CFD: variants seen among roughly 807,000 people sequenced by gnomAD.
CFD encodes complement factor D, also known as C3 convertase activator.
Under a neutral mutation model 21.1 loss-of-function variants are expected in CFD, and 24 were observed. The ratio of observed to expected loss-of-function variants is 1.14; its 90% confidence interval spans 0.82 to 1.60. CFD has a LOEUF of 1.60. Among genes scored for constraint, CFD ranks in the 40% most tolerant of loss-of-function variants. CFD has a pLI of 0.00. For missense variants in CFD, 535 were observed against 383.3 expected, an observed-to-expected ratio of 1.40 and a Z score of -3.31; for synonymous variants, 242 against 175.9, an observed-to-expected ratio of 1.38 and a Z score of -2.97.
At chr19:862,887 T>TG (rs1555711915) in intron 4 of CFD, among the ~76,000 whole-genome samples, 7 of 80,800 alleles carry the variant, frequency 8.7e-5, no homozygotes, top group Non-Finnish European at 8.2e-5. Flanking sequence ...GGCCAGGAGC[T>TG]GGGGGCGGGC....
In CFD at chr19:860,960, G is replaced by C; in HGVS notation, c.312G>C (p.Pro104=). The part of the protein sequence containing the change: ...LYDVLRAVPH[P]DSQPDTIDHD... ...ACGTGCTCCGCGCAGTGCCCCACCC[G>C]GACAGCCAGCCCGACACCATCGACC... Residue 104 remains proline, a synonymous_variant, in exon 3 of 5, where the codon CCG becomes CCC. Coordinates refer to ENST00000327726, the MANE Select transcript of CFD (RefSeq NM_001928.4). 6.2e-7 allele frequency: 1 copy of C among 1,600,462 alleles called. No homozygotes were observed.
Position 860,930 on chromosome 19 carries a change from G to A in CFD, c.282G>A (p.Leu94=), listed in dbSNP as rs1375843287. 37 of 1,601,024 alleles carry A rather than the reference G, an allele frequency of 2.3e-5. No individual in the cohort carries two copies. The highest frequency in any genetic ancestry group is 3.1e-5 in the Non-Finnish European group (37 of 1,179,042). ...CGCAGCCGGAGCCCTCCAAGCGCCT[G>A]TACGACGTGCTCCGCGCAGTGCCCC... ...SLSQPEPSKR[L]YDVLRAVPHP... The change falls in exon 3 of 5, where the codon CTG becomes CTA. Residue 94 remains leucine (L), a synonymous_variant. Coordinates refer to ENST00000327726, the MANE Select transcript of CFD (RefSeq NM_001928.4).
In CFD at chr19:860,188, T is replaced by TTTTTCTTTC. The variant is rs200917507; in HGVS notation, c.56-424_56-416dup. Reference sequence around the variant, plus strand: ...CCCCAAGACGGAAACGGGATTCTTTTTTTTCTTTCTTTTTTTTTTTGATAG... The same window carrying TTTTTCTTTC: ...CCCCAAGACGGAAACGGGATTCTTTTTTTTCTTTCTTTTCTTTCTTTTTTTTTTTGATAG... On this transcript the variant is annotated intron_variant, in intron 1 of 4. Coordinates refer to ENST00000327726, the MANE Select transcript of CFD (RefSeq NM_001928.4). Among the ~76,000 whole-genome samples the TTTTTCTTTC allele has an allele frequency of 5.8e-3, 885 of 151,612 alleles. 9 individuals carry two copies. Among genetic ancestry groups the TTTTTCTTTC allele is most frequent in the African/African-American group, 0.02 (811 of 41,246 alleles).
Position 861,014 on chromosome 19 carries a change from C to T in CFD, c.357+9C>T, listed in dbSNP as rs537724685. 1.9e-6 allele frequency: 3 copies of T among 1,597,198 alleles called. No individual in the cohort carries two copies. Among genetic ancestry groups the T allele is most frequent in the Middle Eastern group, 1.7e-4 (1 of 6,034 alleles). On this transcript the variant is annotated intron_variant, in intron 3 of 4. Coordinates refer to ENST00000327726, the MANE Select transcript of CFD (RefSeq NM_001928.4). ...ACCTCCTGCTGCTACAGGTCGGCCC[C>T]GTGTAGCGCAGTCCCTCCTGCGGCG...
chr19:862,568 C>A lies in CFD; in HGVS notation c.616-524C>A, dbSNP rs180915138. ...AACCTCTGAAGGGGCAGGGCTGGTG[C>A]GGAGCGGGATCCCTGCTGTGGCAGG... is the stretch of plus-strand genomic sequence containing the variant. On this transcript the variant is annotated intron_variant, in intron 4 of 4. Transcript: ENST00000327726. Among the ~76,000 whole-genome samples, 19 of 150,432 alleles carry A rather than the reference C, an allele frequency of 1.3e-4. 1 individual carries two copies. The South Asian group carries it at 2.1e-3, about 17-fold the overall frequency.
At chr19:861,115 A>C (rs1832767728) in intron 3 of CFD, 110 bp downstream of exon 3, 1 of 960,078 alleles carries the variant, frequency 1.0e-6, no homozygotes, top group Non-Finnish European at 1.6e-6. Flanking sequence ...CTCCTGCTGC[A>C]TGGGGACCCC....
Position 863,164 on chromosome 19 carries a change from G to A in CFD, c.688G>A (p.Gly230Ser), listed in dbSNP as rs776077848. 22 of 1,526,096 alleles carry A rather than the reference G, an allele frequency of 1.4e-5. No homozygotes were observed. In the South Asian group the frequency reaches 1.6e-4, roughly 11 times the overall value. 94.5% of individuals were successfully genotyped at this position (1,526,096 alleles called of 1,614,324 possible). Residue 230 changes from glycine (G) to serine (S), a missense_variant, in exon 5 of 5, where the codon GGC becomes AGC. Physicochemically the swap from Gly to Ser is moderately conservative, Grantham distance 56. Coordinates refer to ENST00000327726, the MANE Select transcript of CFD (RefSeq NM_001928.4). The stretch of plus-strand genomic sequence containing the variant: ...GGTCACCTCGGGCTCGCGCGTTTGC[G>A]GCAACCGCAAGAAGCCCGGGATCTA... ...GVVTSGSRVC[G>S]NRKKPGIYTR... is the part of the protein sequence containing the mutation.
intron 2 of CFD, 31 bp downstream of exon 2, chr19:860,804 C>T: frequency 1.3e-6 from 2 of 1,557,372 alleles, no homozygotes; most frequent in Non-Finnish European, 1.7e-6. Context: ...GGGGAAGAGC[C>T]CGGGTGCGGT....
In CFD at chr19:863,635, T is replaced by A. The variant is rs559852985; in HGVS notation, c.*397T>A. The A allele has an allele frequency of 2.5e-3, 499 of 203,580 alleles. 3 individuals are homozygous for A. Among genetic ancestry groups the A allele is most frequent in the African/African-American group, 0.01 (434 of 41,970 alleles). The allele number at this position is 203,580 out of a possible 1,614,324, so 12.6% of individuals were successfully genotyped here. A position where few individuals can be genotyped will look rare whatever the true frequency, so the allele number is the denominator to read the frequency against. ...AAAAAAAAAAAAAAATTCTGCGTGG[T>A]GGCTCACGCCTGTAATCCCAGCACT... On this transcript the variant is annotated 3_prime_UTR_variant, in exon 5 of 5. Coordinates refer to ENST00000327726, the MANE Select transcript of CFD (RefSeq NM_001928.4).
At chr19:862,023 G>A (rs1231444499) in intron 4 of CFD, 67 bp downstream of exon 4, 3 of 1,500,140 alleles carry the variant, frequency 2.0e-6, no homozygotes, top group East Asian at 2.5e-5. Context: ...CAGAGGGAGC[G>A]CGAAGCGGGG....
chr19:863,156 G>A lies in CFD; in HGVS notation c.680G>A (p.Arg227His), dbSNP rs1347153192. The change falls in exon 5 of 5, where the codon CGC becomes CAC. Residue 227 changes from arginine (R) to histidine (H), a missense_variant. Transcript: ENST00000327726. Reference sequence around the variant, plus strand: ...GAGGGCGTGGTCACCTCGGGCTCGCGCGTTTGCGGCAACCGCAAGAAGCCC... The same window carrying A: ...GAGGGCGTGGTCACCTCGGGCTCGCACGTTTGCGGCAACCGCAAGAAGCCC... ...VLEGVVTSGS[R>H]VCGNRKKPGI... 11 of 1,535,694 alleles carry A rather than the reference G, an allele frequency of 7.2e-6. No individual in the cohort carries two copies. In the African/African-American group the frequency reaches 1.4e-4, roughly 19 times the overall value.
intron 4 of CFD, among the ~76,000 whole-genome samples, chr19:862,575 G>A (rs1032758311): frequency 6.6e-6 from 1 of 151,676 alleles, no homozygotes; most frequent in Non-Finnish European, 1.5e-5. Flanking sequence ...GTGCGGAGCG[G>A]GATCCCTGCT....
Position 863,373 on chromosome 19 carries a change from TG to T in CFD, c.*137del. On this transcript the variant is annotated 3_prime_UTR_variant, in exon 5 of 5. Coordinates refer to ENST00000327726, the MANE Select transcript of CFD (RefSeq NM_001928.4). The stretch of plus-strand genomic sequence containing the variant: ...GGGGAGGCCGAGGTGGGAGGATCAT[TG>T]GATCTCAGGAGTTCGAGATCAGCAT... 9.3e-7 allele frequency: 1 copy of T among 1,076,634 alleles called. No homozygotes were observed. Among genetic ancestry groups the T allele is most frequent in the Non-Finnish European group, 1.4e-6 (1 of 731,352 alleles). 66.7% of individuals were successfully genotyped at this position (1,076,634 alleles called of 1,614,324 possible). A position where few individuals can be genotyped will look rare whatever the true frequency, so the allele number is the denominator to read the frequency against.
chr19:863,426 A>C lies in CFD; in HGVS notation c.*188A>C. ...GGCCACGTAGCGCGACTCCATCTCTACAAATAAATAAAAAATTAGCTGGGC... is the reference window on the plus strand; with the variant it reads ...GGCCACGTAGCGCGACTCCATCTCTCCAAATAAATAAAAAATTAGCTGGGC... On this transcript the variant is annotated 3_prime_UTR_variant, in exon 5 of 5. Coordinates refer to ENST00000327726, the MANE Select transcript of CFD (RefSeq NM_001928.4). 1 of 660,850 alleles carries C rather than the reference A, an allele frequency of 1.5e-6. No individual in the cohort carries two copies. Among genetic ancestry groups the C allele is most frequent in the Non-Finnish European group, 2.6e-6 (1 of 384,526 alleles). The allele number at this position is 660,850 out of a possible 1,614,324, so 40.9% of individuals were successfully genotyped here.
rs2035757853 is a variant in CFD at position 859,707 on chromosome 19, C to T, written c.18C>T (p.Arg6=). The change falls in exon 1 of 5, where the codon CGC becomes CGT. Residue 6 remains arginine (R), a synonymous_variant. Transcript: ENST00000327726. ...GCTTCACCATGCACAGCTGGGAGCG[C>T]CTGGCAGTTCTGGTCCTCCTAGGAG... MHSWE[R]LAVLVLLGAA... 2 of 1,573,630 alleles carry T rather than the reference C, an allele frequency of 1.3e-6. No homozygotes were observed. The highest frequency in any genetic ancestry group is 1.7e-6 in the Non-Finnish European group (2 of 1,160,006).
At chr19:863,047 G>T in intron 4 of CFD, 45 bp from the exon 5 acceptor site, 1 of 1,479,870 alleles carries the variant, frequency 6.8e-7, no homozygotes, top group Non-Finnish European at 9.0e-7. Context: ...CGTGAGGCCG[G>T]GGTGGGCGCG....
In CFD at chr19:863,323, T is replaced by A; in HGVS notation, c.*85T>A. 6.7e-7 allele frequency: 1 copy of A among 1,481,844 alleles called. No homozygotes were observed. Among genetic ancestry groups the A allele is most frequent in the Non-Finnish European group, 9.1e-7 (1 of 1,097,910 alleles). The allele number at this position is 1,481,844 out of a possible 1,614,324, so 91.8% of individuals were successfully genotyped here. A position where few individuals can be genotyped will look rare whatever the true frequency, so the allele number is the denominator to read the frequency against. ...TCCACTCCTGCATCTGGTTGGTCTT[T>A]ATTGAGCACCTACTATATGCAGAAG... On this transcript the variant is annotated 3_prime_UTR_variant, in exon 5 of 5. Transcript: ENST00000327726.
chr19:860,171 C>T (rs529786628), intron 1 of CFD, among the ~76,000 whole-genome samples: 17 of 151,778 alleles, frequency 1.1e-4, no homozygotes, highest in Admixed American at 4.6e-4. Flanking sequence ...GGCCCCAAGA[C>T]GGAAACGGGA....
At position 861,912 on chromosome 19, in the gene CFD, G is replaced by C. The variant is rs776791472; in HGVS notation, c.571G>C (p.Glu191Gln). The C allele has an allele frequency of 1.3e-5, 21 of 1,573,500 alleles. No individual in the cohort carries two copies. The highest frequency in any genetic ancestry group is 6.8e-5 in the South Asian group (6 of 87,854). The change falls in exon 4 of 5, where the codon GAG (glutamate) becomes CAG (glutamine). Residue 191 changes from glutamate to glutamine, a missense_variant. Glu to Gln is a conservative substitution (Grantham distance 29, BLOSUM62 2). Transcript: ENST00000327726. ...CACGCACCACGACGGCGCCATCACC[G>C]AGCGCTTGATGTGCGCGGAGAGCAA... is the stretch of plus-strand genomic sequence containing the variant. ...RRTHHDGAIT[E>Q]RLMCAESNRR...
Sources: gnomAD v4.1 joint callset for allele counts (sites outside exome capture counted in the v4.1 genomes callset) on GRCh38, gnomAD v4.1.1 for gene constraint, MANE v1.5 for transcripts, NCBI Gene and HGNC (gene_info 2026-07-23, HGNC 2026-07-21) for gene names.